Variants in CAST observed in about 807,000 individuals in gnomAD.
The protein encoded by CAST is MIR583 host.
CAST carries 76 observed loss-of-function variants against 119.6 expected under a neutral mutation model. The observed-to-expected ratio is 0.64, with a 90% CI of 0.53 to 0.77. The LOEUF (loss-of-function observed/expected upper bound fraction) is 0.77. Ranked by LOEUF, CAST falls within the 30% of genes least tolerant of loss-of-function variation. The pLI, the probability that CAST is intolerant of heterozygous loss-of-function variation, is 0.00. For synonymous variants in CAST, 319 were observed against 331.6 expected, an observed-to-expected ratio of 0.96 and a Z score of 0.41; for missense variants, 953 against 946.5, an observed-to-expected ratio of 1.01 and a Z score of -0.09.
the CAST span, among the ~76,000 whole-genome samples, chr5:96,083,065 T>C: frequency 6.6e-6 from 1 of 152,216 alleles, no homozygotes; most frequent in Admixed American, 6.5e-5. Context: ...CCAAGAGCCA[T>C]CGGTTTAGAT....
chr5:96,136,637 C>T, the CAST span, among the ~76,000 whole-genome samples: 1 of 152,084 alleles, frequency 6.6e-6, no homozygotes, highest in Non-Finnish European at 1.5e-5. Flanking sequence ...CTATATGTAA[C>T]CATCTGTCTA....
At chr5:96,489,510 A>G in the CAST span, among the ~76,000 whole-genome samples, 4 of 152,354 alleles carry the variant, frequency 2.6e-5, no homozygotes, top group East Asian at 3.9e-4. Flanking sequence ...AGACTTACAT[A>G]TGCTACACAA....
chr5:96,055,186 C>T, the CAST span, among the ~76,000 whole-genome samples: 4 of 152,062 alleles, frequency 2.6e-5, no homozygotes, highest in Admixed American at 6.6e-5. Flanking sequence ...ACCTGGACAT[C>T]GCCACCTCAG....
the CAST span, among the ~76,000 whole-genome samples, chr5:96,262,296 G>T: frequency 6.6e-5 from 10 of 152,250 alleles, no homozygotes; most frequent in South Asian, 4.1e-4. Flanking sequence ...GGTTGGGAGG[G>T]AGGAGAAGGG....
the CAST span, among the ~76,000 whole-genome samples, chr5:96,300,666 A>C: frequency 6.6e-6 from 1 of 152,118 alleles, no homozygotes; most frequent in Admixed American, 6.5e-5. Context: ...ATTACATTGA[A>C]TCCATAGATA....
At chr5:96,445,225 G>A in the CAST span, among the ~76,000 whole-genome samples, 1 of 152,090 alleles carries the variant, frequency 6.6e-6, no homozygotes, top group Non-Finnish European at 1.5e-5. Context: ...GGTGACAAAG[G>A]GATGGTTTTC....
the CAST span, among the ~76,000 whole-genome samples, chr5:96,252,479 GT>G: frequency 6.6e-6 from 1 of 151,980 alleles, no homozygotes; most frequent in South Asian, 2.1e-4. Context: ...CCTTTGCATT[GT>G]TTTTTGAAGT....
At chr5:96,417,978 T>C in the CAST span, among the ~76,000 whole-genome samples, 21 of 152,334 alleles carry the variant, frequency 1.4e-4, 1 homozygote, top group South Asian at 4.3e-3. Context: ...AGCAAAAGAA[T>C]CCAGTGCAGG....
At chr5:96,342,321 G>A in the CAST span, among the ~76,000 whole-genome samples, 1 of 152,214 alleles carries the variant, frequency 6.6e-6, no homozygotes, top group Non-Finnish European at 1.5e-5. Flanking sequence ...TGTTTTTGAG[G>A]CAGTGGTTCC....
At chr5:96,439,082 G>A in the CAST span, among the ~76,000 whole-genome samples, 1 of 152,082 alleles carries the variant, frequency 6.6e-6, no homozygotes, top group Non-Finnish European at 1.5e-5. Flanking sequence ...GTCAATAACT[G>A]TTCACTGGCA....
the CAST span, among the ~76,000 whole-genome samples, chr5:96,370,334 G>A: frequency 6.6e-6 from 1 of 152,006 alleles, no homozygotes; most frequent in African/African-American, 2.4e-5. Flanking sequence ...ATAGACTTCT[G>A]GGTATTTCTA....
the CAST span, among the ~76,000 whole-genome samples, chr5:96,038,679 T>C: frequency 6.6e-6 from 1 of 152,150 alleles, no homozygotes; most frequent in South Asian, 2.1e-4. Flanking sequence ...GCTTCATCCA[T>C]GTCCCTGCAA....
the CAST span, among the ~76,000 whole-genome samples, chr5:96,074,634 T>C: frequency 6.6e-6 from 1 of 152,180 alleles, no homozygotes; most frequent in Admixed American, 6.6e-5. Context: ...TTTCCACTGC[T>C]TCCCACAAAA....
At chr5:96,124,151 G>A in the CAST span, among the ~76,000 whole-genome samples, 1 of 152,050 alleles carries the variant, frequency 6.6e-6, no homozygotes, top group Non-Finnish European at 1.5e-5. Flanking sequence ...AAATTTTATT[G>A]CAGAGATAGA....
upstream of CAST, among the ~76,000 whole-genome samples, chr5:96,660,872 C>T (rs1011144388): frequency 1.3e-5 from 2 of 151,826 alleles, no homozygotes; most frequent in Non-Finnish European, 1.5e-5. Flanking sequence ...TAAGTTGTTT[C>T]ATTTTTATGT....
At chr5:96,670,026 T>C (rs1749861276) in intron 1 of CAST, among the ~76,000 whole-genome samples, 1 of 152,204 alleles carries the variant, frequency 6.6e-6, no homozygotes, top group South Asian at 2.1e-4. Context: ...ACTGCTAACC[T>C]GAAGTCTTTG....
the CAST span, among the ~76,000 whole-genome samples, chr5:96,023,942 A>G: frequency 2.6e-5 from 4 of 152,196 alleles, no homozygotes; most frequent in Admixed American, 6.5e-5. Flanking sequence ...TGCAACACAC[A>G]ATGCATTACT....
At chr5:96,722,501 CCT>C (rs1185311568) in intron 3 of CAST, 136 bp from the exon 4 acceptor site, 3 of 649,160 alleles carry the variant, frequency 4.6e-6, no homozygotes, top group Non-Finnish European at 8.4e-6. Context: ...GACACCACCT[CCT>C]ACTAGATTTT....
chr5:96,640,163 G>T (rs562596909), intron 1 of CAST, among the ~76,000 whole-genome samples: 43 of 152,284 alleles, frequency 2.8e-4, no homozygotes, highest in Non-Finnish European at 5.6e-4. Flanking sequence ...TTAGTGGTAA[G>T]TTTTGTGCAT....
Sources: allele counts gnomAD v4.1 joint callset (sites outside exome capture counted in the v4.1 genomes callset), GRCh38; gene constraint gnomAD v4.1.1; transcripts MANE v1.5; gene names NCBI Gene and HGNC (gene_info 2026-07-23, HGNC 2026-07-21).